Variants in GRM7 observed in about 807,000 individuals in gnomAD.
GRM7 encodes the protein metabotropic glutamate receptor 7.
A neutral mutation model predicts 84.5 loss-of-function variants in GRM7; 35 were observed. The ratio of observed to expected loss-of-function variants is 0.41; its 90% CI spans 0.32 to 0.55. The LOEUF (loss-of-function observed/expected upper bound fraction) is 0.55. Ranked by LOEUF, GRM7 falls within the 20% of genes least tolerant of loss-of-function variation. The probability of loss-of-function intolerance (pLI) is 0.19; values close to 1 mark genes in which losing one functional copy is unlikely to be tolerated. For synonymous variants in GRM7, 487 were observed against 455.1 expected (o/e 1.07, Z -0.89); for missense variants, 1,003 against 1,194.6 (o/e 0.84, Z 2.36).
At chr3:7,719,779 A>AAC (rs71043692) in intron 9 of GRM7, among the ~76,000 whole-genome samples, 6,224 of 133,432 alleles carry the variant, frequency 0.047, 191 homozygotes, top group African/African-American at 0.084. Flanking sequence ...ACCACTGGGC[A>AAC]ACACACACAC....
intron 5 of GRM7, among the ~76,000 whole-genome samples, chr3:7,440,282 A>G (rs1287906803): frequency 6.6e-6 from 1 of 152,182 alleles, no homozygotes; most frequent in Non-Finnish European, 1.5e-5. Context: ...ATAGTGAAAC[A>G]CATCTGGCCC....
intron 2 of GRM7, among the ~76,000 whole-genome samples, chr3:7,280,648 T>C (rs1699222079): frequency 6.6e-6 from 1 of 152,204 alleles, no homozygotes; most frequent in Admixed American, 6.5e-5. Flanking sequence ...CGCTGGCATA[T>C]AGTACAAGCT....
chr3:7,306,495 C>G lies in GRM7; in HGVS notation c.879-3C>G. 1 of 1,612,982 alleles carries G rather than the reference C, an allele frequency of 6.2e-7. No individual in the cohort carries two copies. Among genetic ancestry groups the G allele is most frequent in the Non-Finnish European group, 8.5e-7 (1 of 1,178,984 alleles). On this transcript the variant is annotated splice_region_variant and splice_polypyrimidine_tract_variant and intron_variant, in intron 3 of 9. Coordinates refer to ENST00000357716, the MANE Select transcript of GRM7 (RefSeq NM_000844.4). ...ATATAACTTTCCATATTTCTTTCCA[C>G]AGGCAGATCCTTGCAGCAGCCAAAA... is the stretch of plus-strand genomic sequence containing the variant.
intron 1 of GRM7, among the ~76,000 whole-genome samples, chr3:6,920,469 C>T (rs1485912406): frequency 2.0e-5 from 3 of 151,686 alleles, no homozygotes; most frequent in Admixed American, 1.3e-4. Flanking sequence ...GCACAAGAAT[C>T]GCTGGAACCT....
chr3:7,737,900 C>T (rs1030923313), intron 9 of GRM7, among the ~76,000 whole-genome samples: 10 of 145,674 alleles, frequency 6.9e-5, no homozygotes, highest in Non-Finnish European at 1.2e-4. Flanking sequence ...CAGGCTGGAG[C>T]GCAATGGTGC....
At chr3:7,055,906 C>G (rs1042361051) in intron 1 of GRM7, among the ~76,000 whole-genome samples, 32 of 151,890 alleles carry the variant, frequency 2.1e-4, no homozygotes, top group Admixed American at 1.8e-3. Context: ...TAGGCTTTTC[C>G]TGTGTCAGGT....
intron 1 of GRM7, among the ~76,000 whole-genome samples, chr3:6,948,365 T>C (rs904941502): frequency 1.3e-5 from 2 of 152,232 alleles, no homozygotes; most frequent in African/African-American, 4.8e-5. Flanking sequence ...CTGAGCGGTT[T>C]TGAGTGAGTT....
At position 6,861,404 on chromosome 3, in the gene GRM7, A is replaced by AAGCT; in HGVS notation, c.17_20dup (p.Leu8AlafsTer86). The AAGCT allele has an allele frequency of 6.3e-7, 1 of 1,582,152 alleles. No homozygotes were observed. The highest frequency in any genetic ancestry group is 8.6e-7 in the Non-Finnish European group (1 of 1,166,898). On this transcript the variant is annotated frameshift_variant, in exon 1 of 10. Coordinates refer to ENST00000357716, the MANE Select transcript of GRM7 (RefSeq NM_000844.4). LOFTEE classifies it high-confidence loss of function. The surrounding 1 kb of genome is among the most constrained non-coding windows in gnomAD (Gnocchi z 6.4). ...CCGGAGCAGCATGGTCCAGCTGAGGAAGCTGCTCCGCGTCCTGACTTTGAT... is the reference window on the plus strand; with the variant it reads ...CCGGAGCAGCATGGTCCAGCTGAGGAAGCTAGCTGCTCCGCGTCCTGACTTTGAT...
chr3:7,090,342 G>T (rs1306641214), intron 1 of GRM7, among the ~76,000 whole-genome samples: 1 of 151,650 alleles, frequency 6.6e-6, no homozygotes. Context: ...TGGAGATAGA[G>T]ACCTATTAGG....
At chr3:7,217,027 T>C (rs1424966217) in intron 2 of GRM7, among the ~76,000 whole-genome samples, 1 of 152,226 alleles carries the variant, frequency 6.6e-6, no homozygotes, top group Non-Finnish European at 1.5e-5. Flanking sequence ...TTTCCTCCTT[T>C]AGGTGAGCTG....
chr3:7,335,424 A>G (rs568033768), intron 4 of GRM7, among the ~76,000 whole-genome samples: 1 of 152,102 alleles, frequency 6.6e-6, no homozygotes, highest in Non-Finnish European at 1.5e-5. Context: ...ATAATAAGAA[A>G]GTTTATAGCA....
intron 1 of GRM7, among the ~76,000 whole-genome samples, chr3:7,038,737 C>A (rs992757919): frequency 6.6e-6 from 1 of 152,094 alleles, no homozygotes; most frequent in African/African-American, 2.4e-5. Flanking sequence ...GAGGTTGATA[C>A]AATTATCATT....
At chr3:6,984,895 T>A (rs977939541) in intron 1 of GRM7, among the ~76,000 whole-genome samples, 2 of 152,154 alleles carry the variant, frequency 1.3e-5, no homozygotes, top group Non-Finnish European at 2.9e-5. Context: ...ATTATTCCAG[T>A]GGGATATGCG....
chr3:7,712,323 T>C (rs1348794194), intron 9 of GRM7, among the ~76,000 whole-genome samples: 3 of 152,122 alleles, frequency 2.0e-5, no homozygotes, highest in Non-Finnish European at 4.4e-5. Flanking sequence ...ATAGGTTGGG[T>C]GGGGGCTGTA....
At chr3:6,997,018 T>C (rs1043477375) in intron 1 of GRM7, among the ~76,000 whole-genome samples, 4 of 152,228 alleles carry the variant, frequency 2.6e-5, no homozygotes, top group Non-Finnish European at 1.5e-5. Flanking sequence ...TAAGAAGTTA[T>C]GATTAAAAAG....
At chr3:7,056,283 G>A (rs1362155249) in intron 1 of GRM7, among the ~76,000 whole-genome samples, 3 of 151,970 alleles carry the variant, frequency 2.0e-5, no homozygotes, top group Non-Finnish European at 1.5e-5. Flanking sequence ...TACAGGCATC[G>A]TGGCCATGGT....
At chr3:7,406,720 A>G (rs777465260) in intron 4 of GRM7, among the ~76,000 whole-genome samples, 1 of 152,206 alleles carries the variant, frequency 6.6e-6, no homozygotes, top group African/African-American at 2.4e-5. Context: ...TGCTATTCAC[A>G]TATCTGGTAA....
At chr3:7,155,937 A>C (rs1694434767) in intron 2 of GRM7, among the ~76,000 whole-genome samples, 1 of 152,212 alleles carries the variant, frequency 6.6e-6, no homozygotes. Flanking sequence ...GATGACTTAA[A>C]AGCAAGCACT....
At chr3:7,034,425 A>C (rs1488535677) in intron 1 of GRM7, among the ~76,000 whole-genome samples, 2 of 152,174 alleles carry the variant, frequency 1.3e-5, no homozygotes, top group Non-Finnish European at 2.9e-5. Context: ...CACTTCTCCC[A>C]AAGCATTTAC....
Sources: allele counts gnomAD v4.1 joint callset (sites outside exome capture counted in the v4.1 genomes callset), GRCh38; gene constraint gnomAD v4.1.1; non-coding constraint Gnocchi (gnomAD v3.1); transcripts MANE v1.5; gene names NCBI Gene and HGNC (gene_info 2026-07-23, HGNC 2026-07-21).